Variants in AP2A2 observed in about 807,000 individuals in gnomAD.
AP2A2 encodes adaptor related protein complex 2 subunit alpha 2, also known as AP-2 complex subunit alpha-2.
AP2A2 carries 32 observed loss-of-function variants against 104.2 expected under a neutral mutation model. The observed-to-expected ratio is 0.31, with a 90% CI of 0.23 to 0.41. AP2A2 has a LOEUF of 0.41. Ranked by LOEUF, AP2A2 falls within the 10% of genes least tolerant of loss-of-function variation. AP2A2 has a pLI of 1.00. For synonymous variants in AP2A2, 539 were observed against 533.3 expected (o/e 1.01, Z -0.15); for missense variants, 912 against 1,261.0 (o/e 0.72, Z 4.19).
Position 1,000,429 on chromosome 11 carries a change from C to T in AP2A2, c.1957-3C>T. The T allele has an allele frequency of 1.9e-6, 3 of 1,544,366 alleles. No homozygotes were observed. The highest frequency in any genetic ancestry group is 1.7e-6 in the Non-Finnish European group (2 of 1,147,574). On this transcript the variant is annotated splice_polypyrimidine_tract_variant and splice_region_variant and intron_variant, in intron 14 of 21. Transcript: ENST00000448903. ...GCTGATGCTCTCCTTCCTTCTCTTC[C>T]AGTCTACGCCTTCTCCGTCGGCAGA...
rs555857529 is a variant in AP2A2, at chr11:983,601, T to G, written c.706-1044T>G. ...GGTTTCACTGTGTTAGCCAGGATGG[T>G]CTCGATCTCCTGACCTTGTGATCCG... is the stretch of plus-strand genomic sequence containing the variant. On this transcript the variant is annotated intron_variant, in intron 6 of 21. Coordinates refer to ENST00000448903, the MANE Select transcript of AP2A2 (RefSeq NM_012305.4). 9.7e-4 allele frequency among the ~76,000 whole-genome samples: 148 copies of G among 151,906 alleles called. No individual in the cohort carries two copies. The Middle Eastern group carries it at 0.01, about 10-fold the overall frequency.
intron 19 of AP2A2, 37 bp downstream of exon 19, chr11:1,009,253 G>A: frequency 1.2e-6 from 2 of 1,609,360 alleles, no homozygotes; most frequent in Non-Finnish European, 1.7e-6. Context: ...CAGGGGTGGG[G>A]ACGGGGCTCA....
chr11:1,011,222 G>A lies in AP2A2; in HGVS notation c.*597G>A, dbSNP rs971197837. 1.7e-5 allele frequency: 9 copies of A among 519,796 alleles called. No individual in the cohort carries two copies. Among genetic ancestry groups the A allele is most frequent in the Admixed American group, 9.7e-5 (5 of 51,602 alleles). 32.2% of individuals were successfully genotyped at this position (519,796 alleles called of 1,614,324 possible). On this transcript the variant is annotated 3_prime_UTR_variant, in exon 22 of 22. Coordinates refer to ENST00000448903, the MANE Select transcript of AP2A2 (RefSeq NM_012305.4). ...GCAAAAGCACGTGTCCTGGCCGGAT[G>A]TAACTGTTCTCCTTTCCCAGCTCCT...
chr11:1,001,063 C>T (rs751731957), intron 15 of AP2A2, among the ~76,000 whole-genome samples: 8 of 152,226 alleles, frequency 5.3e-5, no homozygotes, highest in Admixed American at 1.3e-4. Context: ...CTTGCTAAGT[C>T]CTTCTGTGAG....
Position 993,405 on chromosome 11 carries a change from G to A in AP2A2, c.1550+24G>A, listed in dbSNP as rs763872469. The A allele has an allele frequency of 6.3e-7, 1 of 1,575,752 alleles. No homozygotes were observed. The highest frequency in any genetic ancestry group is 8.6e-7 in the Non-Finnish European group (1 of 1,161,244). ...AGGTGAGAGGCCCTTTGCGAGTCGG[G>A]GCTGTGTGCGCTCCGGCGGGCCTCT... is the stretch of plus-strand genomic sequence containing the variant. On this transcript the variant is annotated intron_variant, in intron 12 of 21. Transcript: ENST00000448903. This position sits in a 1 kb window ranked among gnomAD's most constrained non-coding sequence, Gnocchi z 8.2.
At chr11:935,368 AT>A (rs1229256723) in intron 1 of AP2A2, among the ~76,000 whole-genome samples, 1 of 151,674 alleles carries the variant, frequency 6.6e-6, no homozygotes, top group Non-Finnish European at 1.5e-5. Flanking sequence ...GGGTTTCACC[AT>A]TTTGGCCAGG....
intron 1 of AP2A2, among the ~76,000 whole-genome samples, chr11:939,951 C>CTTTT (rs145184268): frequency 8.0e-4 from 85 of 106,034 alleles, no homozygotes; most frequent in African/African-American, 1.9e-3. Context: ...GTTTTGCTTA[C>CTTTT]TTTTTTTTTT....
chr11:971,945 G>A (rs924226398), intron 3 of AP2A2, 117 bp from the exon 4 acceptor site: 36 of 995,538 alleles, frequency 3.6e-5, no homozygotes, highest in Non-Finnish European at 4.8e-5. Context: ...CCCTGGGTGC[G>A]TGGGTGGTGC....
At chr11:987,587 G>A (rs900165546) in intron 9 of AP2A2, among the ~76,000 whole-genome samples, 3 of 152,064 alleles carry the variant, frequency 2.0e-5, no homozygotes, top group Admixed American at 6.5e-5. Flanking sequence ...CCCAAGAGGC[G>A]GAGCTTGCAG....
chr11:983,271 T>C (rs2133698971), intron 6 of AP2A2, among the ~76,000 whole-genome samples: 1 of 152,132 alleles, frequency 6.6e-6, no homozygotes, highest in South Asian at 2.1e-4. Flanking sequence ...TGATTGCACC[T>C]GCCTTGGCCT....
At chr11:983,790 G>A (rs968921044) in intron 6 of AP2A2, among the ~76,000 whole-genome samples, 1 of 152,174 alleles carries the variant, frequency 6.6e-6, no homozygotes, top group Non-Finnish European at 1.5e-5. Context: ...CCGGCCTTAG[G>A]TGCGTACTTG....
In AP2A2 at chr11:964,721, C is replaced by T. The variant is rs570166944; in HGVS notation, c.136+5216C>T. Among the ~76,000 whole-genome samples the T allele has an allele frequency of 4.6e-5, 7 of 152,010 alleles. No homozygotes were observed. In the South Asian group the frequency reaches 1.0e-3, roughly 23 times the overall value. On this transcript the variant is annotated intron_variant, in intron 2 of 21. Transcript: ENST00000448903. The stretch of plus-strand genomic sequence containing the variant: ...AAAAATGAAGCTAAAAAATACCTGC[C>T]GAAGACAGAAATGGAAAGAATTTCC...
At chr11:957,311 C>G (rs992000241) in intron 1 of AP2A2, among the ~76,000 whole-genome samples, 1 of 152,226 alleles carries the variant, frequency 6.6e-6, no homozygotes, top group South Asian at 2.1e-4. Flanking sequence ...GCCTTTTGTG[C>G]AGACTTCATT....
intron 1 of AP2A2, among the ~76,000 whole-genome samples, chr11:937,372 G>A (rs1012688439): frequency 6.6e-6 from 1 of 152,124 alleles, no homozygotes; most frequent in African/African-American, 2.4e-5. Context: ...TCTCCAGAAA[G>A]AGGCCTTCAG....
chr11:981,717 T>C (rs923170835), intron 6 of AP2A2, among the ~76,000 whole-genome samples: 3 of 152,288 alleles, frequency 2.0e-5, no homozygotes, highest in African/African-American at 7.2e-5. Flanking sequence ...GCAGCTGTTA[T>C]ACATTCATGT....
At chr11:930,889 G>T (rs560467530) in intron 1 of AP2A2, among the ~76,000 whole-genome samples, 26 of 152,244 alleles carry the variant, frequency 1.7e-4, no homozygotes, top group Non-Finnish European at 3.2e-4. Context: ...ACAGACACTG[G>T]TACACACCAC....
intron 9 of AP2A2, among the ~76,000 whole-genome samples, chr11:987,670 T>C (rs1219549529): frequency 1.3e-5 from 2 of 151,540 alleles, no homozygotes; most frequent in Non-Finnish European, 2.9e-5. Context: ...AAAAAAAAAA[T>C]TTCAGAGTTG....
At chr11:975,365 G>A (rs1019178007) in intron 4 of AP2A2, among the ~76,000 whole-genome samples, 3 of 149,324 alleles carry the variant, frequency 2.0e-5, no homozygotes, top group African/African-American at 5.0e-5. Flanking sequence ...TGGGGTCCTC[G>A]GTCTCCCTCT....
At chr11:951,953 G>A (rs572515657) in intron 1 of AP2A2, among the ~76,000 whole-genome samples, 201 of 132,388 alleles carry the variant, frequency 1.5e-3, no homozygotes, top group Non-Finnish European at 2.5e-3. Context: ...CTGGAGTGTT[G>A]ACTTCCTGGG....
Sources: gnomAD v4.1 joint callset for allele counts (sites outside exome capture counted in the v4.1 genomes callset) on GRCh38, gnomAD v4.1.1 for gene constraint, Gnocchi (gnomAD v3.1) non-coding constraint, MANE v1.5 for transcripts, NCBI Gene and HGNC (gene_info 2026-07-23, HGNC 2026-07-21) for gene names.